Variants in MAP3K9 observed in about 807,000 individuals in gnomAD.
MAP3K9 encodes the protein mitogen-activated protein kinase kinase kinase 9, also known as mixed lineage kinase 1 (tyr and ser/thr specificity).
Under a neutral mutation model 95.8 loss-of-function variants are expected in MAP3K9, and 46 were observed. The ratio of observed to expected loss-of-function variants is 0.48; its 90% CI spans 0.38 to 0.61. MAP3K9 has a LOEUF of 0.61. MAP3K9 is among the 20% of genes least tolerant of loss of function. The pLI is 0.00. For synonymous variants in MAP3K9, 533 were observed against 593.8 expected (o/e 0.90, Z 1.49); for missense variants, 1,296 against 1,474.3 (o/e 0.88, Z 1.98).
At chr14:70,795,780 A>G (rs1326504395) in intron 2 of MAP3K9, among the ~76,000 whole-genome samples, 2 of 149,052 alleles carry the variant, frequency 1.3e-5, no homozygotes, top group Non-Finnish European at 3.0e-5. Context: ...TTTTTTTTTA[A>G]CAGAGTCTGT....
Position 70,730,292 on chromosome 14 carries a change from G to A in MAP3K9, c.*88C>T. ...GTGCAAGAAGTAGGGCTGGATCTCA[G>A]GGGGTCCAACCCTGAGAAAGGGCTG... On this transcript the variant is annotated 3_prime_UTR_variant, in exon 12 of 12. Transcript: ENST00000554752. 3 of 1,510,494 alleles carry A rather than the reference G, an allele frequency of 2.0e-6. No homozygotes were observed. The East Asian group carries it at 6.8e-5, about 34-fold the overall frequency. The allele number at this position is 1,510,494 out of a possible 1,614,324, so 93.6% of individuals were successfully genotyped here. A position where few individuals can be genotyped will look rare whatever the true frequency, so the allele number is the denominator to read the frequency against.
chr14:70,739,949 T>G, intron 7 of MAP3K9, 93 bp downstream of exon 7: 1 of 1,614,176 alleles, frequency 6.2e-7, no homozygotes, highest in Non-Finnish European at 8.5e-7. Flanking sequence ...AAGTTATGGA[T>G]GGAGCAAGCC....
At chr14:70,774,710 G>C (rs1214701643) in intron 2 of MAP3K9, among the ~76,000 whole-genome samples, 2 of 151,740 alleles carry the variant, frequency 1.3e-5, no homozygotes, top group Non-Finnish European at 2.9e-5. Flanking sequence ...AAAAAGGCCA[G>C]GCACGGTGGC....
chr14:70,746,091 G>C (rs2054142975), intron 5 of MAP3K9, among the ~76,000 whole-genome samples: 1 of 152,112 alleles, frequency 6.6e-6, no homozygotes, highest in Non-Finnish European at 1.5e-5. Flanking sequence ...AAATATTCCT[G>C]GTTGGTTGAT....
intron 2 of MAP3K9, among the ~76,000 whole-genome samples, chr14:70,767,106 G>C (rs956162805): frequency 7.2e-5 from 11 of 152,208 alleles, no homozygotes; most frequent in South Asian, 6.2e-4. Context: ...CATCCCGGCT[G>C]GGTGCGGTGG....
chr14:70,760,138 C>T (rs919611892), intron 3 of MAP3K9, among the ~76,000 whole-genome samples: 5 of 96,358 alleles, frequency 5.2e-5, no homozygotes, highest in African/African-American at 4.6e-5. Context: ...TTAAAATAAA[C>T]GTGCACACAC....
At chr14:70,760,269 C>T (rs1566746218) in intron 3 of MAP3K9, among the ~76,000 whole-genome samples, 1 of 151,996 alleles carries the variant, frequency 6.6e-6, no homozygotes, top group East Asian at 1.9e-4. Context: ...TAAGGTGATG[C>T]TACTGTCCCA....
chr14:70,774,925 A>C (rs946273121), intron 2 of MAP3K9, among the ~76,000 whole-genome samples: 3 of 123,674 alleles, frequency 2.4e-5, no homozygotes, highest in Non-Finnish European at 3.2e-5. Flanking sequence ...GAGAGGTTGC[A>C]GTAAGCCAAG....
chr14:70,799,024 A>T (rs2054898612), intron 2 of MAP3K9, among the ~76,000 whole-genome samples: 1 of 152,266 alleles, frequency 6.6e-6, no homozygotes, highest in African/African-American at 2.4e-5. Context: ...GTATATTTGT[A>T]TATGCATAAA....
In MAP3K9 at chr14:70,730,652, C is replaced by A. The variant is rs766056350; in HGVS notation, c.3043G>T (p.Ala1015Ser). 1.9e-5 allele frequency: 31 copies of A among 1,613,656 alleles called. No individual in the cohort carries two copies. Among genetic ancestry groups the A allele is most frequent in the Non-Finnish European group, 2.4e-5 (28 of 1,180,030 alleles). ...CTGTTGGCTGGGGAGGTGCTGCGGG[C>A]ATGGCTGGGGGACACAAACCACCAA... is the stretch of plus-strand genomic sequence containing the variant. Reference protein sequence around the residue: ...DPWWFVSPSHARSTSPANSSS... With the variant: ...DPWWFVSPSHSRSTSPANSSS... Residue 1015 changes from alanine to serine, a missense_variant, in exon 12 of 12, where the codon GCC becomes TCC. Ala to Ser is a moderately conservative substitution (Grantham distance 99). Coordinates refer to ENST00000554752, the MANE Select transcript of MAP3K9 (RefSeq NM_001284230.2).
At chr14:70,765,545 G>A (rs924366478) in intron 2 of MAP3K9, 21 of 621,642 alleles carry the variant, frequency 3.4e-5, no homozygotes, top group Admixed American at 1.2e-4. Flanking sequence ...CCTTTTCTAC[G>A]TATAGATACA....
In MAP3K9 at chr14:70,794,990, C is replaced by CTTTTTT. The variant is rs572010694; in HGVS notation, c.820+5671_820+5676dup. ...CCGTGACCAGCCTCTTTTTCTTTTCCTTTTTTTTTTTTTTTTTTTTTGAGA... is the reference window on the plus strand; with the variant it reads ...CCGTGACCAGCCTCTTTTTCTTTTCCTTTTTTTTTTTTTTTTTTTTTTTTTTTGAGA... On this transcript the variant is annotated intron_variant, in intron 2 of 11. Transcript: ENST00000554752. Among the ~76,000 whole-genome samples, 7 of 76,814 alleles carry CTTTTTT rather than the reference C, an allele frequency of 9.1e-5. 1 individual carries two copies. The highest frequency in any genetic ancestry group is 1.8e-4 in the Admixed American group (1 of 5,418). 50.4% of individuals were successfully genotyped at this position (76,814 alleles called of 152,430 possible).
At chr14:70,763,328 T>A (rs774239666) in intron 2 of MAP3K9, among the ~76,000 whole-genome samples, 1 of 152,200 alleles carries the variant, frequency 6.6e-6, no homozygotes, top group Non-Finnish European at 1.5e-5. Flanking sequence ...AAGGTAATAA[T>A]AGGGCTAAAA....
chr14:70,776,828 T>C (rs979967736), intron 2 of MAP3K9, among the ~76,000 whole-genome samples: 11 of 94,104 alleles, frequency 1.2e-4, no homozygotes, highest in South Asian at 3.9e-4. Context: ...CTAAAAGATC[T>C]CTCACTTTTT....
intron 1 of MAP3K9, among the ~76,000 whole-genome samples, chr14:70,807,289 G>A (rs531555835): frequency 6.6e-6 from 1 of 152,286 alleles, no homozygotes; most frequent in Admixed American, 6.5e-5. Flanking sequence ...TCAGGAGTTC[G>A]AGACCAGTTT....
chr14:70,751,282 TCCTTCCAGGAATAAGTCAGGACAAGAAA>T (rs1445931143), intron 3 of MAP3K9, among the ~76,000 whole-genome samples: 1 of 152,232 alleles, frequency 6.6e-6, no homozygotes, highest in Admixed American at 6.5e-5. Context: ...CAGCACTCAG[TCCTTCCAGGAATAAGTCAGGACAAGAAA>T]CCATAAGGCT....
Position 70,808,883 on chromosome 14 carries a change from C to G in MAP3K9, c.289G>C (p.Gly97Arg). The change falls in exon 1 of 12, where the codon GGG becomes CGG. Residue 97 changes from glycine (G) to arginine (R), a missense_variant. Coordinates refer to ENST00000554752, the MANE Select transcript of MAP3K9 (RefSeq NM_001284230.2). ...ATGCCCACCCGCTGGTTCAGCTGCC[C>G]GGTCCACCAGCCCTCGTCGCCGGAC... ...QVSGDEGWWTGQLNQRVGIFP... is the reference protein window; with the variant it reads ...QVSGDEGWWTRQLNQRVGIFP... The G allele has an allele frequency of 6.3e-7, 1 of 1,599,128 alleles. No individual in the cohort carries two copies. Among genetic ancestry groups the G allele is most frequent in the Non-Finnish European group, 8.5e-7 (1 of 1,175,842 alleles).
rs755980050 is a variant in MAP3K9 at position 70,808,836 on chromosome 14, G to A, written c.336C>T (p.Thr112=). ...RVGIFPSNYV[T]PRSAFSSRCQ... is the part of the protein sequence containing the mutation. ...AGCGGCTGGAGAAGGCGCTGCGCGGGGTCACGTAGTTGCTGGGGAAGATGC... is the reference window on the plus strand; with the variant it reads ...AGCGGCTGGAGAAGGCGCTGCGCGGAGTCACGTAGTTGCTGGGGAAGATGC... The change falls in exon 1 of 12, where the codon ACC becomes ACT. Residue 112 remains threonine, a synonymous_variant. Transcript: ENST00000554752. The A allele has an allele frequency of 7.5e-6, 12 of 1,597,900 alleles. No homozygotes were observed. Among genetic ancestry groups the A allele is most frequent in the South Asian group, 3.4e-5 (3 of 88,284 alleles).
In MAP3K9 at chr14:70,771,581, G is replaced by A. The variant is rs182532785; in HGVS notation, c.821-10399C>T. ...GGAGACCCAGGGTGTCTGGGTTCTC[G>A]CTCCACCACTGTGTGACCTTCACCA... On this transcript the variant is annotated intron_variant, in intron 2 of 11. Coordinates refer to ENST00000554752, the MANE Select transcript of MAP3K9 (RefSeq NM_001284230.2). 1.3e-4 allele frequency among the ~76,000 whole-genome samples: 20 copies of A among 152,130 alleles called. No homozygotes were observed. In the East Asian group the frequency reaches 2.9e-3, roughly 22 times the overall value.
Sources: allele counts gnomAD v4.1 joint callset (sites outside exome capture counted in the v4.1 genomes callset), GRCh38; gene constraint gnomAD v4.1.1; transcripts MANE v1.5; gene names NCBI Gene and HGNC (gene_info 2026-07-23, HGNC 2026-07-21).